TSPO2: variants seen among roughly 807,000 people sequenced by gnomAD.
TSPO2 encodes benzodiazapine receptor (peripheral)-like 1.
Under a neutral mutation model 13.3 loss-of-function variants are expected in TSPO2, and 15 were observed. That is an observed-to-expected ratio of 1.13 (90% confidence interval 0.75 to 1.73). The LOEUF is 1.73. Ranked by LOEUF, TSPO2 falls within the 40% of genes most tolerant of loss-of-function variation. TSPO2 has a pLI of 0.00. For missense variants in TSPO2, 202 were observed against 198.3 expected (o/e 1.02, Z -0.11); for synonymous variants, 81 against 91.6 (o/e 0.88, Z 0.66).
intron 1 of TSPO2, 37 bp downstream of exon 1, chr6:41,042,815 G>C (rs535414904): frequency 1.3e-6 from 1 of 760,986 alleles, no homozygotes; most frequent in Non-Finnish European, 2.3e-6. Flanking sequence ...AGAGGTACAG[G>C]ACTGGAGCTG....
chr6:41,043,716 C>T lies in TSPO2; in HGVS notation c.315+18C>T. On this transcript the variant is annotated intron_variant, in intron 3 of 3. Transcript: ENST00000373161. Reference sequence around the variant, plus strand: ...CTGGTCTGGTAAGGCACACAGTGCTCAGTAGCAGAAGTAATGTGGGAGAGG... The same window carrying T: ...CTGGTCTGGTAAGGCACACAGTGCTTAGTAGCAGAAGTAATGTGGGAGAGG... The T allele has an allele frequency of 1.9e-6, 3 of 1,581,842 alleles. No homozygotes were observed. Among genetic ancestry groups the T allele is most frequent in the Non-Finnish European group, 2.6e-6 (3 of 1,162,522 alleles).
Position 41,043,539 on chromosome 6 carries a change from G to C in TSPO2, c.174-18G>C, listed in dbSNP as rs773438685. ...GAACCTCCTCCCACTGAATGTTTTTGCCACCATGTCTCCACAGCTATGCCT... is the reference window on the plus strand; with the variant it reads ...GAACCTCCTCCCACTGAATGTTTTTCCCACCATGTCTCCACAGCTATGCCT... On this transcript the variant is annotated intron_variant, in intron 2 of 3. Coordinates refer to ENST00000373161, the MANE Select transcript of TSPO2 (RefSeq NM_001010873.3). 3.2e-6 allele frequency: 5 copies of C among 1,553,482 alleles called. No individual in the cohort carries two copies. The Admixed American group carries it at 1.0e-4, about 32-fold the overall frequency.
chr6:41,042,001 TTAGA>T (rs751835478), upstream of TSPO2, among the ~76,000 whole-genome samples: 2 of 151,134 alleles, frequency 1.3e-5, no homozygotes, highest in African/African-American at 2.4e-5. Context: ...AAAGGATGGA[TTAGA>T]TAGTCAGTCC....
intron 1 of TSPO2, 44 bp downstream of exon 1, chr6:41,042,822 G>T (rs1367711405): frequency 1.3e-6 from 1 of 790,432 alleles, no homozygotes. Flanking sequence ...CAGGACTGGA[G>T]CTGGGCCAGG....
At position 41,042,730 on chromosome 6, in the gene TSPO2, A is replaced by T. The variant is rs539500605; in HGVS notation, c.-69A>T. ...CTGGGCAGTGTCCTCCAAGTGCCAG[A>T]GGAGTGCTGTGGAGAAAAGAAGTCC... On this transcript the variant is annotated 5_prime_UTR_variant, in exon 1 of 4. Transcript: ENST00000373161. 1.1e-3 allele frequency: 703 copies of T among 656,716 alleles called. 7 individuals are homozygous for T. Among genetic ancestry groups the T allele is most frequent in the South Asian group, 9.9e-3 (655 of 66,358 alleles). 40.7% of individuals were successfully genotyped at this position (656,716 alleles called of 1,614,324 possible). A position where few individuals can be genotyped will look rare whatever the true frequency, so the allele number is the denominator to read the frequency against.
Position 41,042,648 on chromosome 6 carries a change from T to A in TSPO2, c.-151T>A. 1 of 509,614 alleles carries A rather than the reference T, an allele frequency of 2.0e-6. No homozygotes were observed. The highest frequency in any genetic ancestry group is 3.8e-6 in the Non-Finnish European group (1 of 262,282). The allele number at this position is 509,614 out of a possible 1,614,324, so 31.6% of individuals were successfully genotyped here. On this transcript the variant is annotated 5_prime_UTR_variant, in exon 1 of 4. Coordinates refer to ENST00000373161, the MANE Select transcript of TSPO2 (RefSeq NM_001010873.3). ...AAAGCTCATCACCCGGGACCTGATC[T>A]CCAGGACTCAGAAGCACTTGGAGGA... is the stretch of plus-strand genomic sequence containing the variant.
At chr6:41,043,202 T>C in intron 2 of TSPO2, 44 bp downstream of exon 2, 1 of 1,570,722 alleles carries the variant, frequency 6.4e-7, no homozygotes, top group Non-Finnish European at 8.6e-7. Flanking sequence ...CCCAATGGGG[T>C]GGGAACAAGT....
rs949787011 is a variant in TSPO2 at position 41,043,432 on chromosome 6, T to C, written c.174-125T>C. On this transcript the variant is annotated intron_variant, in intron 2 of 3. Coordinates refer to ENST00000373161, the MANE Select transcript of TSPO2 (RefSeq NM_001010873.3). Reference sequence around the variant, plus strand: ...AACTCCCTCCCTGGCCCTTACATGATGCCTAAACCCATCTGCCCCCATTTC... The same window carrying C: ...AACTCCCTCCCTGGCCCTTACATGACGCCTAAACCCATCTGCCCCCATTTC... The C allele has an allele frequency of 1.1e-4, 136 of 1,282,784 alleles. 3 individuals are homozygous for C. In the South Asian group the frequency reaches 1.8e-3, roughly 17 times the overall value. 79.5% of individuals were successfully genotyped at this position (1,282,784 alleles called of 1,614,324 possible).
In TSPO2 at chr6:41,044,184, A is replaced by C; in HGVS notation, c.*47A>C. ...AGGGACGCCCAGGGTGGGGAGGAAG[A>C]GTCTGCAAGCAGGGCTGTGGAGTTA... On this transcript the variant is annotated 3_prime_UTR_variant, in exon 4 of 4. Coordinates refer to ENST00000373161, the MANE Select transcript of TSPO2 (RefSeq NM_001010873.3). 1 of 1,602,928 alleles carries C rather than the reference A, an allele frequency of 6.2e-7. No homozygotes were observed. The highest frequency in any genetic ancestry group is 8.5e-7 in the Non-Finnish European group (1 of 1,171,334).
chr6:41,041,923 C>T (rs1438585782), upstream of TSPO2, among the ~76,000 whole-genome samples: 1 of 151,028 alleles, frequency 6.6e-6, no homozygotes, highest in Non-Finnish European at 1.5e-5. Flanking sequence ...TGCAGTGAGC[C>T]GAGATTGCAC....
At chr6:41,041,503 G>A (rs919781003), upstream of TSPO2, among the ~76,000 whole-genome samples, 2 of 152,234 alleles carry the variant, frequency 1.3e-5, no homozygotes, top group Non-Finnish European at 1.5e-5. Context: ...ATGGGGGCAG[G>A]GAGGGGCAGG....
Position 41,043,079 on chromosome 6 carries a change from G to C in TSPO2, c.94G>C (p.Glu32Gln). The C allele has an allele frequency of 6.2e-7, 1 of 1,614,168 alleles. No homozygotes were observed. The highest frequency in any genetic ancestry group is 1.1e-5 in the South Asian group (1 of 91,082). Reference protein sequence around the residue: ...FTRDHMSGWCEGPRMLSWCPF... With the variant: ...FTRDHMSGWCQGPRMLSWCPF... ...TCGTGATCACATGTCTGGTTGGTGT[G>C]AGGGCCCGAGGATGCTGTCCTGGTG... is the stretch of plus-strand genomic sequence containing the variant. Residue 32 changes from glutamate to glutamine, a missense_variant, in exon 2 of 4, where the codon GAG (glutamate) becomes CAG (glutamine). Glu to Gln is a conservative substitution (Grantham distance 29, BLOSUM62 2). Transcript: ENST00000373161.
At position 41,042,916 on chromosome 6, in the gene TSPO2, G is replaced by A. The variant is rs112245037; in HGVS notation, c.-20-50G>A. On this transcript the variant is annotated intron_variant, in intron 1 of 3. Coordinates refer to ENST00000373161, the MANE Select transcript of TSPO2 (RefSeq NM_001010873.3). ...GTCAGGTTAGGAGGCAGAGACAGAC[G>A]AGGAGCCGCAGGGGAAGGCTCATCA... is the stretch of plus-strand genomic sequence containing the variant. The A allele has an allele frequency of 7.7e-5, 122 of 1,582,092 alleles. No individual in the cohort carries two copies. In the East Asian group the frequency reaches 2.0e-3, roughly 26 times the overall value.
At position 41,043,526 on chromosome 6, in the gene TSPO2, A is replaced by T. The variant is rs745516798; in HGVS notation, c.174-31A>T. 1.7e-5 allele frequency: 26 copies of T among 1,548,246 alleles called. No homozygotes were observed. In the South Asian group the frequency reaches 3.2e-4, roughly 19 times the overall value. On this transcript the variant is annotated intron_variant, in intron 2 of 3. Transcript: ENST00000373161. The stretch of plus-strand genomic sequence containing the variant: ...TCCATTTGCCACGGAACCTCCTCCC[A>T]CTGAATGTTTTTGCCACCATGTCTC...
Position 41,042,619 on chromosome 6 carries a change from C to A in TSPO2, c.-180C>A, listed in dbSNP as rs1249683137. ...ATACCTGGCTAAGCGCTGCCCACTG[C>A]AGAAAAGCTCATCACCCGGGACCTG... On this transcript the variant is annotated 5_prime_UTR_variant, in exon 1 of 4. Transcript: ENST00000373161. The A allele has an allele frequency of 4.3e-6, 2 of 468,816 alleles. No homozygotes were observed. Among genetic ancestry groups the A allele is most frequent in the Admixed American group, 2.4e-5 (1 of 42,480 alleles). 29.0% of individuals were successfully genotyped at this position (468,816 alleles called of 1,614,324 possible). A position where few individuals can be genotyped will look rare whatever the true frequency, so the allele number is the denominator to read the frequency against.
At chr6:41,043,825 C>T (rs929302454) in intron 3 of TSPO2, 115 bp from the exon 4 acceptor site, 2 of 1,523,002 alleles carry the variant, frequency 1.3e-6, no homozygotes, top group Non-Finnish European at 1.8e-6. Context: ...CTTCTCTGCA[C>T]TCCCATGGTG....
At position 41,043,933 on chromosome 6, in the gene TSPO2, T is replaced by C; in HGVS notation, c.316-7T>C. The C allele has an allele frequency of 1.2e-6, 2 of 1,612,160 alleles. No homozygotes were observed. The highest frequency in any genetic ancestry group is 1.7e-6 in the Non-Finnish European group (2 of 1,179,308). ...GCAGCCAGCTGACCCCCGGCCTCTA[T>C]GCCCAGGCCCTGCTGCACCTGCTGC... is the stretch of plus-strand genomic sequence containing the variant. On this transcript the variant is annotated splice_region_variant and splice_polypyrimidine_tract_variant and intron_variant, in intron 3 of 3. Coordinates refer to ENST00000373161, the MANE Select transcript of TSPO2 (RefSeq NM_001010873.3).
At position 41,044,184 on chromosome 6, in the gene TSPO2, A is replaced by G. The variant is rs1316790025; in HGVS notation, c.*47A>G. 3 of 1,602,810 alleles carry G rather than the reference A, an allele frequency of 1.9e-6. No individual in the cohort carries two copies. Among genetic ancestry groups the G allele is most frequent in the Non-Finnish European group, 2.6e-6 (3 of 1,171,342 alleles). On this transcript the variant is annotated 3_prime_UTR_variant, in exon 4 of 4. Transcript: ENST00000373161. ...AGGGACGCCCAGGGTGGGGAGGAAG[A>G]GTCTGCAAGCAGGGCTGTGGAGTTA...
At chr6:41,042,338 A>G (rs1413430505), upstream of TSPO2, among the ~76,000 whole-genome samples, 6 of 152,212 alleles carry the variant, frequency 3.9e-5, no homozygotes, top group Non-Finnish European at 2.9e-5. Flanking sequence ...CTCCAGGGGT[A>G]GAAGAGAGCT....
Sources: gnomAD v4.1 joint callset for allele counts (sites outside exome capture counted in the v4.1 genomes callset) on GRCh38, gnomAD v4.1.1 for gene constraint, MANE v1.5 for transcripts, NCBI Gene and HGNC (gene_info 2026-07-23, HGNC 2026-07-21) for gene names.